SSH2: variants seen among roughly 807,000 people sequenced by gnomAD.
SSH2 encodes the protein protein phosphatase Slingshot homolog 2.
In SSH2, 37 loss-of-function variants were observed where a neutral mutation model predicts 135.2. That is an observed-to-expected ratio of 0.27 (90% CI 0.21 to 0.36). The LOEUF (loss-of-function observed/expected upper bound fraction) is 0.36, where lower values mean the gene tolerates loss of function less well. Ranked by LOEUF, SSH2 falls within the 10% of genes least tolerant of loss-of-function variation. The pLI is 1.00. For missense variants in SSH2, 1,408 were observed against 1,765.3 expected (o/e 0.80, Z 3.63); for synonymous variants, 628 against 646.2 (o/e 0.97, Z 0.43).
intron 1 of SSH2, among the ~76,000 whole-genome samples, chr17:29,909,589 T>C (rs1022453277): frequency 3.9e-5 from 6 of 152,338 alleles, no homozygotes; most frequent in African/African-American, 1.4e-4. Flanking sequence ...CATGATCACA[T>C]AGTAGTGAAA....
At chr17:29,843,407 T>A (rs2151381033) in intron 2 of SSH2, among the ~76,000 whole-genome samples, 1 of 151,928 alleles carries the variant, frequency 6.6e-6, no homozygotes, top group East Asian at 1.9e-4. Flanking sequence ...ATAAAAAAAA[T>A]TAGCCAGGCA....
intron 2 of SSH2, among the ~76,000 whole-genome samples, chr17:29,844,057 G>C (rs1362106591): frequency 6.6e-6 from 1 of 152,094 alleles, no homozygotes; most frequent in Admixed American, 6.5e-5. Context: ...TTTGATTCTA[G>C]GGGGTGGCTT....
intron 3 of SSH2, among the ~76,000 whole-genome samples, chr17:29,760,616 G>A (rs1046210870): frequency 9.2e-5 from 14 of 151,986 alleles, no homozygotes; most frequent in South Asian, 2.1e-4. Context: ...AGTACAGGAG[G>A]AGATAAAATA....
intron 3 of SSH2, among the ~76,000 whole-genome samples, chr17:29,704,706 A>C (rs1481271305): frequency 2.7e-5 from 3 of 112,956 alleles, no homozygotes; most frequent in African/African-American, 6.5e-5. Context: ...CTGTCTCTTA[A>C]AAAAAAAAAA....
At chr17:29,782,659 C>T (rs1442629828) in intron 3 of SSH2, among the ~76,000 whole-genome samples, 1 of 152,162 alleles carries the variant, frequency 6.6e-6, no homozygotes, top group Non-Finnish European at 1.5e-5. Context: ...GATCTCCGCT[C>T]ACTGCAACCT....
intron 1 of SSH2, among the ~76,000 whole-genome samples, chr17:29,859,646 G>GT (rs2065726203): frequency 6.6e-6 from 1 of 152,170 alleles, no homozygotes; most frequent in African/African-American, 2.4e-5. Context: ...TGGCTGCATA[G>GT]TATTTCGTAG....
At chr17:29,824,939 G>A (rs748570928) in intron 2 of SSH2, among the ~76,000 whole-genome samples, 1 of 152,142 alleles carries the variant, frequency 6.6e-6, no homozygotes, top group Non-Finnish European at 1.5e-5. Flanking sequence ...TACAACTAGA[G>A]TTATAGATGG....
chr17:29,703,562 T>C (rs534889491), intron 3 of SSH2, among the ~76,000 whole-genome samples: 4 of 149,646 alleles, frequency 2.7e-5, no homozygotes, highest in Non-Finnish European at 5.9e-5. Flanking sequence ...ACAAGTTTTC[T>C]GAAACAAAAC....
intron 2 of SSH2, among the ~76,000 whole-genome samples, chr17:29,842,367 T>C (rs2043056901): frequency 6.6e-6 from 1 of 150,510 alleles, no homozygotes; most frequent in South Asian, 2.1e-4. Flanking sequence ...GGCAGGAGCA[T>C]CTCTTGAACC....
At chr17:29,751,214 G>A (rs766187605) in intron 3 of SSH2, among the ~76,000 whole-genome samples, 4 of 152,100 alleles carry the variant, frequency 2.6e-5, no homozygotes, top group African/African-American at 9.7e-5. Context: ...TCCAGAGTTC[G>A]AGACCAGCCT....
chr17:29,663,192 T>G (rs1349678509), intron 11 of SSH2, among the ~76,000 whole-genome samples: 1 of 152,276 alleles, frequency 6.6e-6, no homozygotes, highest in African/African-American at 2.4e-5. Flanking sequence ...CTTTCCCTAA[T>G]AAACAGATCT....
intron 2 of SSH2, among the ~76,000 whole-genome samples, chr17:29,800,892 G>A (rs1266829487): frequency 1.3e-5 from 2 of 148,750 alleles, no homozygotes; most frequent in Non-Finnish European, 3.0e-5. Flanking sequence ...TTGAGACAGA[G>A]TCTCACTCTG....
intron 2 of SSH2, among the ~76,000 whole-genome samples, chr17:29,825,353 A>G (rs1380974953): frequency 6.6e-6 from 1 of 152,214 alleles, no homozygotes; most frequent in Non-Finnish European, 1.5e-5. Flanking sequence ...TCCAATACAA[A>G]GATTATAATA....
intron 1 of SSH2, among the ~76,000 whole-genome samples, chr17:29,893,576 G>T (rs1214280863): frequency 6.6e-6 from 1 of 152,060 alleles, no homozygotes; most frequent in Non-Finnish European, 1.5e-5. Context: ...CTGGCACCTT[G>T]TCTTGGACTT....
chr17:29,818,943 G>C (rs999355832), intron 2 of SSH2, among the ~76,000 whole-genome samples: 2 of 151,922 alleles, frequency 1.3e-5, no homozygotes, highest in Non-Finnish European at 2.9e-5. Flanking sequence ...AAAGGCACCA[G>C]TGGCCAGGTG....
At chr17:29,772,791 G>C (rs1167068521) in intron 3 of SSH2, among the ~76,000 whole-genome samples, 1 of 151,848 alleles carries the variant, frequency 6.6e-6, no homozygotes, top group Non-Finnish European at 1.5e-5. Flanking sequence ...CTCTGGACTT[G>C]GGACTCCAGG....
chr17:29,853,148 G>A (rs1021345446), intron 1 of SSH2, among the ~76,000 whole-genome samples: 4 of 148,180 alleles, frequency 2.7e-5, no homozygotes, highest in African/African-American at 7.6e-5. Context: ...GTGCAGTGGC[G>A]CGATCTCTGC....
chr17:29,761,111 T>C (rs1375668618), intron 3 of SSH2: 1 of 1,287,278 alleles, frequency 7.8e-7, no homozygotes, highest in Non-Finnish European at 1.0e-6. Context: ...GCAAACTTTC[T>C]GAGCGTTCGC....
In SSH2 at chr17:29,863,115, G is replaced by T. The variant is rs2065793387; in HGVS notation, c.64-14186C>A. Among the ~76,000 whole-genome samples the T allele has an allele frequency of 2.0e-5, 3 of 152,038 alleles. No homozygotes were observed. The South Asian group carries it at 6.2e-4, about 32-fold the overall frequency. ...AAAGAATGTGCAACAGAGACCATAT[G>T]TGGCTTTTGGCATCTTTAGGGGAGG... On this transcript the variant is annotated intron_variant, in intron 1 of 15. Transcript: ENST00000540801.
Sources: allele counts gnomAD v4.1 joint callset (sites outside exome capture counted in the v4.1 genomes callset), GRCh38; gene constraint gnomAD v4.1.1; transcripts MANE v1.5; gene names NCBI Gene and HGNC (gene_info 2026-07-23, HGNC 2026-07-21).